PKD2: variants seen among roughly 807,000 people sequenced by gnomAD.
The protein encoded by PKD2 is polycystin 2, transient receptor potential cation channel.
A neutral mutation model predicts 105.9 loss-of-function variants in PKD2; 48 were observed. The ratio of observed to expected loss-of-function variants is 0.45; its 90% CI spans 0.36 to 0.58. The LOEUF is 0.58. PKD2 is among the 20% of genes least tolerant of loss of function. PKD2 has a pLI of 0.00. For missense variants in PKD2, 1,078 were observed against 1,255.3 expected, an observed-to-expected ratio of 0.86 and a Z score of 2.13; for synonymous variants, 464 against 481.1, an observed-to-expected ratio of 0.96 and a Z score of 0.46.
At chr4:88,061,695 G>A (rs182098250) in intron 9 of PKD2, among the ~76,000 whole-genome samples, 38 of 151,544 alleles carry the variant, frequency 2.5e-4, no homozygotes, top group Middle Eastern at 3.4e-3. Flanking sequence ...CTGAGGTCGC[G>A]CCCCTGCACT....
chr4:88,057,966 T>C lies in PKD2; in HGVS notation c.1899-17T>C, dbSNP rs756696191. 1.3e-6 allele frequency: 2 copies of C among 1,575,056 alleles called. No homozygotes were observed. The highest frequency in any genetic ancestry group is 2.2e-5 in the South Asian group (2 of 90,276). ...TTCTTTGTTTTTGTATTGTGGTGTT[T>C]TGTTTTATTTTTATAGCTTCACTCA... On this transcript the variant is annotated splice_polypyrimidine_tract_variant and intron_variant, in intron 8 of 14. Coordinates refer to ENST00000237596, the MANE Select transcript of PKD2 (RefSeq NM_000297.4).
chr4:88,019,835 G>C (rs758324337), intron 2 of PKD2, among the ~76,000 whole-genome samples: 8 of 152,156 alleles, frequency 5.3e-5, no homozygotes, highest in South Asian at 2.1e-4. Context: ...GCAACAGAAG[G>C]CTCTGAAAAA....
chr4:88,054,167 G>A lies in PKD2; in HGVS notation c.1717-1919G>A, dbSNP rs189202437. 4.6e-5 allele frequency among the ~76,000 whole-genome samples: 7 copies of A among 152,052 alleles called. No homozygotes were observed. In the East Asian group the frequency reaches 7.7e-4, roughly 17 times the overall value. ...CTCACGCACTTTGGGAGGCTGAGGC[G>A]GGCAGATCACCTGACGTCGGGTTTG... On this transcript the variant is annotated intron_variant, in intron 7 of 14. Coordinates refer to ENST00000237596, the MANE Select transcript of PKD2 (RefSeq NM_000297.4).
intron 2 of PKD2, among the ~76,000 whole-genome samples, chr4:88,022,601 C>T (rs937236873): frequency 8.5e-5 from 13 of 152,200 alleles, no homozygotes; most frequent in Non-Finnish European, 2.9e-5. Flanking sequence ...TGAGTCCTTT[C>T]CCTATTGCTT....
At chr4:88,010,140 G>T (rs1308442105) in intron 1 of PKD2, among the ~76,000 whole-genome samples, 1 of 151,704 alleles carries the variant, frequency 6.6e-6, no homozygotes, top group Non-Finnish European at 1.5e-5. Context: ...TGTCACTGAG[G>T]CTGGAGTGCG....
At chr4:88,070,761 A>T (rs1268324763) in intron 13 of PKD2, among the ~76,000 whole-genome samples, 1 of 151,078 alleles carries the variant, frequency 6.6e-6, no homozygotes, top group Non-Finnish European at 1.5e-5. Context: ...CCTCCCAAGT[A>T]GCTAGGACTA....
chr4:88,031,321 A>C (rs547596840), intron 2 of PKD2, among the ~76,000 whole-genome samples: 8 of 152,386 alleles, frequency 5.2e-5, no homozygotes, highest in African/African-American at 1.9e-4. Context: ...TGAGTTTATC[A>C]GGATGTAACT....
At chr4:88,034,282 G>C (rs1278680977) in intron 2 of PKD2, among the ~76,000 whole-genome samples, 1 of 152,116 alleles carries the variant, frequency 6.6e-6, no homozygotes, top group Non-Finnish European at 1.5e-5. Flanking sequence ...CTCTGTAATT[G>C]ATTGCTTGAG....
rs11934571 is a variant in PKD2 at position 88,027,857 on chromosome 4, A to G, written c.709+8286A>G. On this transcript the variant is annotated intron_variant, in intron 2 of 14. Transcript: ENST00000237596. ...CTTCCCCCTTTTCCCTCTCTCTCCTACTGCCTTGTGAAGAAGGTACTTGCT... is the reference window on the plus strand; with the variant it reads ...CTTCCCCCTTTTCCCTCTCTCTCCTGCTGCCTTGTGAAGAAGGTACTTGCT... 2.5e-3 allele frequency among the ~76,000 whole-genome samples: 374 copies of G among 152,104 alleles called. 3 individuals carry two copies. Among genetic ancestry groups the G allele is most frequent in the African/African-American group, 8.7e-3 (359 of 41,498 alleles).
intron 9 of PKD2, among the ~76,000 whole-genome samples, chr4:88,059,513 C>T (rs939864348): frequency 6.6e-6 from 1 of 152,064 alleles, no homozygotes; most frequent in East Asian, 1.9e-4. Context: ...TGGATAGAGT[C>T]GTGGCAACTG....
Position 88,019,500 on chromosome 4 carries a change from G to T in PKD2, c.638G>T (p.Arg213Leu), listed in dbSNP as rs764104241. 1 of 1,607,360 alleles carries T rather than the reference G, an allele frequency of 6.2e-7. No homozygotes were observed. The highest frequency in any genetic ancestry group is 8.5e-7 in the Non-Finnish European group (1 of 1,174,088). ...TRLMEESSTNREKYLKSVLRE... is the reference protein window; with the variant it reads ...TRLMEESSTNLEKYLKSVLRE... ...CTCATGGAGGAAAGCAGCACTAACC[G>T]AGAGAAATACCTTAAAAGTGTTTTA... The change falls in exon 2 of 15, where the codon CGA becomes CTA. Residue 213 changes from arginine (R) to leucine (L), a missense_variant. Physicochemically the swap from Arg to Leu is moderately radical, Grantham distance 102 (BLOSUM62 -2). This residue lies in a region of PKD2 where 868 missense variants were observed against 1,067.3 expected (regional missense o/e 0.81). Coordinates refer to ENST00000237596, the MANE Select transcript of PKD2 (RefSeq NM_000297.4).
intron 13 of PKD2, among the ~76,000 whole-genome samples, chr4:88,071,840 A>T (rs1721045374): frequency 6.6e-6 from 1 of 152,118 alleles, no homozygotes; most frequent in Non-Finnish European, 1.5e-5. Flanking sequence ...CTCTGTGGAT[A>T]TTAGACCCAG....
At position 88,076,134 on chromosome 4, in the gene PKD2, G is replaced by A. The variant is rs573189115; in HGVS notation, c.*440G>A. 20 of 169,076 alleles carry A rather than the reference G, an allele frequency of 1.2e-4. No individual in the cohort carries two copies. The East Asian group carries it at 2.8e-3, about 24-fold the overall frequency. 10.5% of individuals were successfully genotyped at this position (169,076 alleles called of 1,614,324 possible). The stretch of plus-strand genomic sequence containing the variant: ...CTTTCCACTCTGGCATAGTTCATGA[G>A]CTTAATACATAGCTTTCTTTTAAGA... On this transcript the variant is annotated 3_prime_UTR_variant, in exon 15 of 15. Coordinates refer to ENST00000237596, the MANE Select transcript of PKD2 (RefSeq NM_000297.4).
rs79302633 is a variant in PKD2, at chr4:88,045,075, A to G, written c.1320-1567A>G. ...CAACTCTGATATTTTAGTAAATTCT[A>G]TTTATAGAAGGTCTTGAGTATTTCT... On this transcript the variant is annotated intron_variant, in intron 5 of 14. Coordinates refer to ENST00000237596, the MANE Select transcript of PKD2 (RefSeq NM_000297.4). Among the ~76,000 whole-genome samples, 1,262 of 152,352 alleles carry G rather than the reference A, an allele frequency of 8.3e-3. 16 individuals carry two copies. Among genetic ancestry groups the G allele is most frequent in the African/African-American group, 0.027 (1,117 of 41,574 alleles).
chr4:88,069,449 G>A (rs1578149929), intron 13 of PKD2, among the ~76,000 whole-genome samples: 1 of 151,314 alleles, frequency 6.6e-6, no homozygotes, highest in East Asian at 1.9e-4. Flanking sequence ...TTTTTAGTCA[G>A]GAGTTGCTCT....
chr4:88,031,029 T>G (rs1727127079), intron 2 of PKD2, among the ~76,000 whole-genome samples: 1 of 152,232 alleles, frequency 6.6e-6, no homozygotes, highest in South Asian at 2.1e-4. Flanking sequence ...GATGTGAAAG[T>G]GATACACATT....
intron 13 of PKD2, among the ~76,000 whole-genome samples, chr4:88,072,200 C>G (rs1233840544): frequency 6.6e-6 from 1 of 151,954 alleles, no homozygotes; most frequent in Non-Finnish European, 1.5e-5. Flanking sequence ...CCCGGCTGGT[C>G]TCAAACTCCT....
intron 13 of PKD2, among the ~76,000 whole-genome samples, chr4:88,070,079 T>C (rs1233905305): frequency 6.6e-6 from 1 of 152,228 alleles, no homozygotes; most frequent in Non-Finnish European, 1.5e-5. Context: ...GAATTTCCTT[T>C]AGTATTTTTT....
chr4:88,060,052 A>G (rs1272771173), intron 9 of PKD2, among the ~76,000 whole-genome samples: 1 of 152,180 alleles, frequency 6.6e-6, no homozygotes, highest in Non-Finnish European at 1.5e-5. Context: ...GAGGAGGGTG[A>G]GCTAGCTTCC....
Sources: gnomAD v4.1 joint callset for allele counts (sites outside exome capture counted in the v4.1 genomes callset) on GRCh38, gnomAD v4.1.1 for gene constraint, gnomAD v4.1.1 regional missense constraint, MANE v1.5 for transcripts, NCBI Gene and HGNC (gene_info 2026-07-23, HGNC 2026-07-21) for gene names.